The following IRAK1 variants were observed in gnomAD, a reference collection of about 807,000 sequenced individuals.
IRAK1 encodes the protein interleukin 1 receptor associated kinase 1, also known as interleukin-1 receptor-associated kinase 1.
IRAK1 carries 9 observed loss-of-function variants against 49.8 expected under a neutral mutation model. The ratio of observed to expected loss-of-function variants is 0.18; its 90% CI spans 0.11 to 0.32. The LOEUF (loss-of-function observed/expected upper bound fraction) is 0.32, where lower values mean the gene tolerates loss of function less well. Ranked by LOEUF, IRAK1 falls within the 10% of genes least tolerant of loss-of-function variation. The probability of loss-of-function intolerance (pLI) is 1.00; values close to 1 mark genes in which losing one functional copy is unlikely to be tolerated. For missense variants in IRAK1, 418 were observed against 600.5 expected, an observed-to-expected ratio of 0.70 and a Z score of 3.18; for synonymous variants, 282 against 270.8, an observed-to-expected ratio of 1.04 and a Z score of -0.41.
In IRAK1 at chrX:154,014,293, C is replaced by T. The variant is rs782820186; in HGVS notation, c.1303-15G>A. ...ACCAGGTCTTTCTGTGGGATAAATA[C>T]TGTCAGTATGGCTACCAGGTGGCCA... On this transcript the variant is annotated splice_polypyrimidine_tract_variant and intron_variant, in intron 10 of 13. Coordinates refer to ENST00000369980, the MANE Select transcript of IRAK1 (RefSeq NM_001569.4). 1.7e-6 allele frequency: 2 copies of T among 1,205,475 alleles called. No homozygotes were observed. The highest frequency in any genetic ancestry group is 2.2e-6 in the Non-Finnish European group (2 of 893,304).
At chrX:154,017,562 G>A (rs925055451) in intron 7 of IRAK1, among the ~76,000 whole-genome samples, 4 of 111,730 alleles carry the variant, frequency 3.6e-5, no homozygotes, top group Non-Finnish European at 7.5e-5. Context: ...TTGGGAGGCT[G>A]AGGCGCGCAG....
chrX:154,018,667 C>T lies in IRAK1; in HGVS notation c.661G>A (p.Gly221Ser), dbSNP rs1569547813. The change falls in exon 5 of 14, where the codon GGT (glycine) becomes AGT (serine). Residue 221 changes from glycine (G) to serine (S), a missense_variant. Gly to Ser is a moderately conservative substitution (Grantham distance 56). This residue lies in a region of IRAK1 where 377 missense variants were observed against 499.5 expected (regional missense o/e 0.75). Coordinates refer to ENST00000369980, the MANE Select transcript of IRAK1 (RefSeq NM_001569.4). Reference protein sequence around the residue: ...NFSEELKIGEGGFGCVYRAVM... With the variant: ...NFSEELKIGESGFGCVYRAVM... ...GCCCGGTACACGCACCCAAAGCCAC[C>T]CTCCCCGATCTTGAGCTCCTCCGAG... is the stretch of plus-strand genomic sequence containing the variant. 3 of 1,207,992 alleles carry T rather than the reference C, an allele frequency of 2.5e-6. No homozygotes were observed. Among genetic ancestry groups the T allele is most frequent in the Non-Finnish European group, 3.4e-6 (3 of 892,132 alleles).
Position 154,019,729 on chromosome X carries a change from G to A in IRAK1, c.84C>T (p.Cys28=). 3 of 985,555 alleles carry A rather than the reference G, an allele frequency of 3.0e-6. No homozygotes were observed. The highest frequency in any genetic ancestry group is 4.1e-5 in the East Asian group (1 of 24,431). 81.2% of individuals were successfully genotyped at this position (985,555 alleles called of 1,213,427 possible). Residue 28 remains cysteine (C), a synonymous_variant, in exon 1 of 14, where the codon TGC becomes TGT. Coordinates refer to ENST00000369980, the MANE Select transcript of IRAK1 (RefSeq NM_001569.4). ...GGGCGTCCATCACTTTGTAGAAGCG[G>A]CACATGACCCAGGGCGGCACCTCGT... is the stretch of plus-strand genomic sequence containing the variant. ...FLYEVPPWVM[C]RFYKVMDALE...
intron 12 of IRAK1, 53 bp downstream of exon 12, chrX:154,012,990 T>A: frequency 8.5e-7 from 1 of 1,181,410 alleles, no homozygotes; most frequent in Non-Finnish European, 1.1e-6. Flanking sequence ...TTACAGGGGC[T>A]TTGGCCCAAA....
chrX:154,011,726 C>G lies in IRAK1; in HGVS notation c.*133G>C. 3.2e-6 allele frequency: 2 copies of G among 631,507 alleles called. No homozygotes were observed. The highest frequency in any genetic ancestry group is 4.5e-5 in the South Asian group (2 of 44,386). The allele number at this position is 631,507 out of a possible 1,213,427, so 52.0% of individuals were successfully genotyped here. A position where few individuals can be genotyped will look rare whatever the true frequency, so the allele number is the denominator to read the frequency against. ...ACAGAGCCTAGAACAGCAGGGCCACCTCCTTCTCTCCCCCGCGGGCATGGG... is the reference window on the plus strand; with the variant it reads ...ACAGAGCCTAGAACAGCAGGGCCACGTCCTTCTCTCCCCCGCGGGCATGGG... On this transcript the variant is annotated 3_prime_UTR_variant, in exon 14 of 14. Coordinates refer to ENST00000369980, the MANE Select transcript of IRAK1 (RefSeq NM_001569.4).
Position 154,013,441 on chromosome X carries a change from T to C in IRAK1, c.1540-8A>G, listed in dbSNP as rs781791980. On this transcript the variant is annotated splice_polypyrimidine_tract_variant and splice_region_variant and intron_variant, in intron 11 of 13. Transcript: ENST00000369980. The stretch of plus-strand genomic sequence containing the variant: ...CTCTAGCCTCTCGTACACCTGCAAG[T>C]GGAAAAGAGGGACTCTCAGGGTGAG... 6 of 1,166,936 alleles carry C rather than the reference T, an allele frequency of 5.1e-6. No individual in the cohort carries two copies. Among genetic ancestry groups the C allele is most frequent in the Middle Eastern group, 2.4e-4 (1 of 4,111 alleles).
chrX:154,014,747 G>A (rs1461585317), intron 10 of IRAK1, among the ~76,000 whole-genome samples: 1 of 111,970 alleles, frequency 8.9e-6, no homozygotes, highest in African/African-American at 3.2e-5. Flanking sequence ...TCAGATTCCC[G>A]AGTAGCTTCT....
At chrX:154,019,396 TC>T in intron 2 of IRAK1, 34 bp downstream of exon 2, 1 of 1,117,797 alleles carries the variant, frequency 8.9e-7, no homozygotes, top group Non-Finnish European at 1.2e-6. Flanking sequence ...CCCGCCGGCC[TC>T]CCAGCCGTGG....
At position 154,013,452 on chromosome X, in the gene IRAK1, G is replaced by A; in HGVS notation, c.1540-19C>T. The A allele has an allele frequency of 8.6e-7, 1 of 1,159,977 alleles. No individual in the cohort carries two copies. Among genetic ancestry groups the A allele is most frequent in the African/African-American group, 1.8e-5 (1 of 55,835 alleles). On this transcript the variant is annotated intron_variant, in intron 11 of 13. Coordinates refer to ENST00000369980, the MANE Select transcript of IRAK1 (RefSeq NM_001569.4). ...CGTACACCTGCAAGTGGAAAAGAGG[G>A]ACTCTCAGGGTGAGATGGCAGCCCT...
In IRAK1 at chrX:154,011,179, A is replaced by C. The variant is rs1020330734; in HGVS notation, c.*680T>G. 37 of 314,949 alleles carry C rather than the reference A, an allele frequency of 1.2e-4. No homozygotes were observed. Among genetic ancestry groups the C allele is most frequent in the African/African-American group, 8.0e-4 (30 of 37,439 alleles). 26.0% of individuals were successfully genotyped at this position (314,949 alleles called of 1,213,427 possible). On this transcript the variant is annotated 3_prime_UTR_variant, in exon 14 of 14. Coordinates refer to ENST00000369980, the MANE Select transcript of IRAK1 (RefSeq NM_001569.4). ...GACTCACTGCAGCCTCGACCTCCCA[A>C]GCATAAATGATCCTCCTACTTCAGC... is the stretch of plus-strand genomic sequence containing the variant.
intron 4 of IRAK1, 48 bp from the exon 5 acceptor site, chrX:154,018,835 C>G (rs1557130482): frequency 1.3e-6 from 1 of 744,240 alleles, no homozygotes; most frequent in Admixed American, 2.8e-5. Context: ...CTCTTCCCTT[C>G]TGCCCAAGGC....
rs2065698458 is a variant in IRAK1, at chrX:154,011,635, A to G, written c.*224T>C. 1 of 485,615 alleles carries G rather than the reference A, an allele frequency of 2.1e-6. No individual in the cohort carries two copies. Among genetic ancestry groups the G allele is most frequent in the Non-Finnish European group, 3.7e-6 (1 of 269,038 alleles). 40.0% of individuals were successfully genotyped at this position (485,615 alleles called of 1,213,427 possible). ...CATGCGCCAGCCTCCTCACTGGATG[A>G]TGCCAGCCTTCCTTGCCCCCAGATG... On this transcript the variant is annotated 3_prime_UTR_variant, in exon 14 of 14. Coordinates refer to ENST00000369980, the MANE Select transcript of IRAK1 (RefSeq NM_001569.4).
chrX:154,013,894 G>A (rs1557128345), intron 11 of IRAK1, 148 bp downstream of exon 11: 13 of 813,205 alleles, frequency 1.6e-5, no homozygotes, highest in South Asian at 1.0e-4. Context: ...TCAGAGGGGC[G>A]CTGCCCCAAA....
intron 9 of IRAK1, 88 bp from the exon 10 acceptor site, chrX:154,016,185 G>T: frequency 1.2e-6 from 1 of 813,206 alleles, no homozygotes; most frequent in Non-Finnish European, 1.9e-6. Context: ...TGACAAGGGT[G>T]TGGACAAAGG....
rs1281258254 is a variant in IRAK1, at chrX:154,019,602, C to G, written c.137-4G>C. On this transcript the variant is annotated splice_polypyrimidine_tract_variant and splice_region_variant and intron_variant, in intron 1 of 13. Coordinates refer to ENST00000369980, the MANE Select transcript of IRAK1 (RefSeq NM_001569.4). ...TGGTCGCGCACGATCAGGGCGGCTG[C>G]GGGGCGGGGGGCGTCAGGCGTCGGC... 4 of 1,025,607 alleles carry G rather than the reference C, an allele frequency of 3.9e-6. No homozygotes were observed. The highest frequency in any genetic ancestry group is 4.9e-6 in the Non-Finnish European group (4 of 808,645). 84.5% of individuals were successfully genotyped at this position (1,025,607 alleles called of 1,213,427 possible). A position where few individuals can be genotyped will look rare whatever the true frequency, so the allele number is the denominator to read the frequency against.
Position 154,011,059 on chromosome X carries a change from G to T in IRAK1, c.*800C>A, listed in dbSNP as rs1557127281. ...TCGCTTCTTGCTAGGACTGAACCATGAGACTTACAGCCATACTTCACTTTT... is the reference window on the plus strand; with the variant it reads ...TCGCTTCTTGCTAGGACTGAACCATTAGACTTACAGCCATACTTCACTTTT... On this transcript the variant is annotated 3_prime_UTR_variant, in exon 14 of 14. Transcript: ENST00000369980. The T allele has an allele frequency of 8.8e-6, 3 of 342,508 alleles. No homozygotes were observed. Among genetic ancestry groups the T allele is most frequent in the Non-Finnish European group, 1.8e-5 (3 of 170,206 alleles). 28.2% of individuals were successfully genotyped at this position (342,508 alleles called of 1,213,427 possible).
rs2065708372 is a variant in IRAK1, at chrX:154,012,693, G to C, written c.1931-15C>G. On this transcript the variant is annotated splice_polypyrimidine_tract_variant and intron_variant, in intron 12 of 13. Coordinates refer to ENST00000369980, the MANE Select transcript of IRAK1 (RefSeq NM_001569.4). ...AAGGGCCAGTCCTGGGGTGGAGATG[G>C]CACTCCCTTAGCCTCATGCTGTGGC... 8.3e-7 allele frequency: 1 copy of C among 1,204,953 alleles called. No homozygotes were observed. Among genetic ancestry groups the C allele is most frequent in the Non-Finnish European group, 1.1e-6 (1 of 891,564 alleles).
At position 154,016,168 on chromosome X, in the gene IRAK1, T is replaced by C. The variant is rs782704674; in HGVS notation, c.1237-71A>G. On this transcript the variant is annotated intron_variant, in intron 9 of 13. Transcript: ENST00000369980. ...AAGAGGCCTCTGGTGTGGACATGGA[T>C]TGGGCCTGACAAGGGTGTGGACAAA... 9.7e-6 allele frequency: 9 copies of C among 928,298 alleles called. No homozygotes were observed. In the South Asian group the frequency reaches 1.6e-4, roughly 16 times the overall value. The allele number at this position is 928,298 out of a possible 1,213,427, so 76.5% of individuals were successfully genotyped here. A position where few individuals can be genotyped will look rare whatever the true frequency, so the allele number is the denominator to read the frequency against.
intron 8 of IRAK1, 94 bp from the exon 9 acceptor site, chrX:154,016,738 C>A: frequency 1.2e-6 from 1 of 810,247 alleles, no homozygotes. Context: ...AGCCCGGTGC[C>A]TTGCCCACAG....
Sources: allele counts gnomAD v4.1 joint callset (sites outside exome capture counted in the v4.1 genomes callset), GRCh38; gene constraint gnomAD v4.1.1; regional missense constraint gnomAD v4.1.1; transcripts MANE v1.5; gene names NCBI Gene and HGNC (gene_info 2026-07-23, HGNC 2026-07-21).